Variants in SLC27A6 observed in about 807,000 individuals in gnomAD.
SLC27A6 encodes the protein solute carrier family 27 member 6.
Under a neutral mutation model 63.9 loss-of-function variants are expected in SLC27A6, and 74 were observed. The observed-to-expected ratio is 1.16, with a 90% CI of 0.96 to 1.40. SLC27A6 has a LOEUF of 1.40. Among genes scored for constraint, SLC27A6 ranks in the 40% most tolerant of loss-of-function variants. The pLI is 0.00. For missense variants in SLC27A6, 794 were observed against 732.9 expected (o/e 1.08, Z -0.96); for synonymous variants, 287 against 260.8 (o/e 1.10, Z -0.97).
At chr5:128,984,322 A>G (rs1454620654) in intron 1 of SLC27A6, among the ~76,000 whole-genome samples, 3 of 152,194 alleles carry the variant, frequency 2.0e-5, no homozygotes, top group African/African-American at 7.2e-5. Context: ...TCAAGGACCC[A>G]GTCCCACCTT....
chr5:128,990,553 T>C, intron 4 of SLC27A6, 89 bp downstream of exon 4: 1 of 1,294,688 alleles, frequency 7.7e-7, no homozygotes, highest in Non-Finnish European at 1.0e-6. Context: ...GTTTATACTC[T>C]ACCTTTGTTA....
At chr5:129,003,576 C>A (rs192526655) in intron 4 of SLC27A6, among the ~76,000 whole-genome samples, 1 of 152,248 alleles carries the variant, frequency 6.6e-6, no homozygotes, top group African/African-American at 2.4e-5. Flanking sequence ...GTAGCTCATG[C>A]CGATAATCCC....
rs972852564 is a variant in SLC27A6, at chr5:129,027,279, C to G, written c.1402C>G (p.Gln468Glu). 7 of 1,612,848 alleles carry G rather than the reference C, an allele frequency of 4.3e-6. No individual in the cohort carries two copies. Among genetic ancestry groups the G allele is most frequent in the Non-Finnish European group, 5.9e-6 (7 of 1,179,252 alleles). ...CCTTAATACTGGAGACTTAATAGTC[C>G]AGGATCAGGACAATTTCCTTTATTT... Reference protein sequence around the residue: ...VYLNTGDLIVQDQDNFLYFWD... With the variant: ...VYLNTGDLIVEDQDNFLYFWD... Residue 468 changes from glutamine to glutamate, a missense_variant, in exon 7 of 10, where the codon CAG becomes GAG. Coordinates refer to ENST00000262462, the MANE Select transcript of SLC27A6 (RefSeq NM_001017372.3).
At chr5:128,972,847 C>T (rs1211351847) in intron 1 of SLC27A6, among the ~76,000 whole-genome samples, 2 of 152,186 alleles carry the variant, frequency 1.3e-5, no homozygotes, top group African/African-American at 2.4e-5. Context: ...GGAGAAGAGG[C>T]ACTCTGATTT....
intron 4 of SLC27A6, among the ~76,000 whole-genome samples, chr5:129,002,089 G>C (rs532707146): frequency 6.6e-6 from 1 of 152,206 alleles, no homozygotes; most frequent in Non-Finnish European, 1.5e-5. Context: ...AAAGCTAGAG[G>C]GAAATATCTA....
rs564019362 is a variant in SLC27A6, at chr5:129,031,987, G to T, written c.1684-1119G>T. Among the ~76,000 whole-genome samples the T allele has an allele frequency of 3.3e-5, 5 of 151,922 alleles. No individual in the cohort carries two copies. In the South Asian group the frequency reaches 1.0e-3, roughly 31 times the overall value. On this transcript the variant is annotated intron_variant, in intron 9 of 9. Coordinates refer to ENST00000262462, the MANE Select transcript of SLC27A6 (RefSeq NM_001017372.3). ...TAGTCCAAAAGGATAAATAAAAATGGCCAAGCTACTCATAGAATGTTGTAG... is the reference window on the plus strand; with the variant it reads ...TAGTCCAAAAGGATAAATAAAAATGTCCAAGCTACTCATAGAATGTTGTAG...
intron 8 of SLC27A6, among the ~76,000 whole-genome samples, chr5:129,028,849 A>G (rs1055804905): frequency 2.0e-5 from 3 of 152,012 alleles, no homozygotes; most frequent in African/African-American, 7.2e-5. Flanking sequence ...CTTTATAAAA[A>G]TTATTTTTAA....
intron 1 of SLC27A6, among the ~76,000 whole-genome samples, chr5:128,977,586 G>C (rs1750432650): frequency 6.6e-6 from 1 of 152,162 alleles, no homozygotes; most frequent in African/African-American, 2.4e-5. Context: ...TTATGATTTA[G>C]CATCAGAAAA....
intron 4 of SLC27A6, among the ~76,000 whole-genome samples, chr5:128,995,757 G>T (rs1463960093): frequency 6.6e-6 from 1 of 152,208 alleles, no homozygotes; most frequent in Non-Finnish European, 1.5e-5. Context: ...ACTAGATCTT[G>T]TAGGGCTTGA....
intron 1 of SLC27A6, among the ~76,000 whole-genome samples, chr5:128,968,128 A>G (rs1490631257): frequency 6.6e-6 from 1 of 152,158 alleles, no homozygotes; most frequent in African/African-American, 2.4e-5. Context: ...TCCATGGTGC[A>G]TATGTGCCTC....
chr5:128,983,402 C>T (rs933920522), intron 1 of SLC27A6, among the ~76,000 whole-genome samples: 3 of 147,042 alleles, frequency 2.0e-5, no homozygotes, highest in Non-Finnish European at 4.5e-5. Flanking sequence ...AAGCGATTCT[C>T]CTGCCTCAGC....
intron 1 of SLC27A6, among the ~76,000 whole-genome samples, chr5:128,973,567 G>T (rs1750268081): frequency 6.6e-6 from 1 of 152,172 alleles, no homozygotes; most frequent in South Asian, 2.1e-4. Context: ...GTGGGTGTGG[G>T]ACCCACCAAG....
chr5:129,017,045 G>C (rs368041426), intron 5 of SLC27A6, among the ~76,000 whole-genome samples: 1 of 152,204 alleles, frequency 6.6e-6, no homozygotes, highest in African/African-American at 2.4e-5. Flanking sequence ...AAGCAAAACT[G>C]GTATAGCTGC....
chr5:129,023,321 A>C (rs1418179908), intron 5 of SLC27A6, among the ~76,000 whole-genome samples: 1 of 152,136 alleles, frequency 6.6e-6, no homozygotes, highest in East Asian at 1.9e-4. Context: ...ATATAATTGA[A>C]TGCCTGGATT....
intron 4 of SLC27A6, among the ~76,000 whole-genome samples, chr5:129,003,291 C>G (rs4835964): frequency 0.24 from 34,999 of 146,852 alleles, 5,146 homozygotes; most frequent in East Asian, 0.73. Context: ...ACTTTATTCC[C>G]GTGAACTGTT....
chr5:128,974,860 T>C lies in SLC27A6; in HGVS notation c.481+8242T>C, dbSNP rs888348392. Among the ~76,000 whole-genome samples the C allele has an allele frequency of 2.4e-4, 37 of 152,236 alleles. 1 individual carries two copies. The highest frequency in any genetic ancestry group is 8.7e-4 in the African/African-American group (36 of 41,472). ...TCTGAGGATTAAATGACACATCTTT[T>C]GTAAAGTGGCTAGCTGAGTGCCTGG... On this transcript the variant is annotated intron_variant, in intron 1 of 9. Transcript: ENST00000262462.
At chr5:129,002,700 A>G (rs1751384670) in intron 4 of SLC27A6, among the ~76,000 whole-genome samples, 2 of 152,236 alleles carry the variant, frequency 1.3e-5, no homozygotes, top group African/African-American at 4.8e-5. Flanking sequence ...TATAGAGCTT[A>G]CATTTTAATG....
chr5:128,973,035 G>T (rs1326326404), intron 1 of SLC27A6, among the ~76,000 whole-genome samples: 1 of 152,192 alleles, frequency 6.6e-6, no homozygotes, highest in Non-Finnish European at 1.5e-5. Context: ...CTCAGCTGCA[G>T]GTCTGTTGTA....
chr5:128,994,433 A>G (rs1751087198), intron 4 of SLC27A6, among the ~76,000 whole-genome samples: 1 of 152,170 alleles, frequency 6.6e-6, no homozygotes, highest in Non-Finnish European at 1.5e-5. Context: ...GGAGAAAGTC[A>G]TTCTGTTATG....
Sources: gnomAD v4.1 joint callset for allele counts (sites outside exome capture counted in the v4.1 genomes callset) on GRCh38, gnomAD v4.1.1 for gene constraint, MANE v1.5 for transcripts, NCBI Gene and HGNC (gene_info 2026-07-23, HGNC 2026-07-21) for gene names.